Variants in THTPA observed in about 807,000 individuals in gnomAD.
THTPA encodes the protein thiamine triphosphatase.
In THTPA, 16 loss-of-function variants were observed where a neutral mutation model predicts 16.5. The ratio of observed to expected loss-of-function variants is 0.97; its 90% CI spans 0.66 to 1.47. The LOEUF is 1.47. Ranked by LOEUF, THTPA falls within the 40% of genes most tolerant of loss-of-function variation. THTPA has a pLI of 0.00. For synonymous variants in THTPA, 110 were observed against 115.5 expected, an observed-to-expected ratio of 0.95 and a Z score of 0.30; for missense variants, 281 against 280.9, an observed-to-expected ratio of 1.00 and a Z score of 0.00.
At chr14:23,522,177 C>T in the THTPA span, 2 of 1,494,836 alleles carry the variant, frequency 1.3e-6, no homozygotes, top group Non-Finnish European at 1.8e-6. Flanking sequence ...CTCAGCAGCA[C>T]CTCACATGCC....
chr14:23,525,633 G>A, the THTPA span: 13 of 1,535,766 alleles, frequency 8.5e-6, no homozygotes, highest in African/African-American at 2.7e-5. The surrounding 1 kb of genome is among the most constrained non-coding windows in gnomAD (Gnocchi z 5.9). Flanking sequence ...GCTGCAGTGC[G>A]GGCAGCCTCG....
the THTPA span, chr14:23,513,887 T>G: frequency 6.6e-6 from 1 of 152,374 alleles, no homozygotes. Context: ...CTCTTCCAGC[T>G]TGAGGAAGTA....
the THTPA span, chr14:23,524,127 A>G: frequency 1.2e-5 from 18 of 1,535,910 alleles, no homozygotes; most frequent in East Asian, 2.4e-4. The surrounding 1 kb of genome is among the most constrained non-coding windows in gnomAD (Gnocchi z 5.6). Context: ...TTGGGCAAGG[A>G]TGCAGGGGTG....
chr14:23,541,196 G>A, the THTPA span, among the ~76,000 whole-genome samples: 2 of 150,584 alleles, frequency 1.3e-5, no homozygotes, highest in African/African-American at 4.9e-5. Context: ...GTGAGCCACT[G>A]CGCCCGGCCT....
chr14:23,551,017 T>C (rs1326543171), upstream of THTPA, among the ~76,000 whole-genome samples: 1 of 151,498 alleles, frequency 6.6e-6, no homozygotes, highest in African/African-American at 2.4e-5. This position sits in a 1 kb window ranked among gnomAD's most constrained non-coding sequence, Gnocchi z 5.3. Flanking sequence ...CCGTCTAGGC[T>C]TTCCATACCC....
At chr14:23,551,973 G>A (rs559371573), upstream of THTPA, among the ~76,000 whole-genome samples, 12 of 152,250 alleles carry the variant, frequency 7.9e-5, no homozygotes, top group African/African-American at 2.6e-4. The surrounding 1 kb of genome is among the most constrained non-coding windows in gnomAD (Gnocchi z 5.3). Context: ...ACTCTTTTCC[G>A]TCTCCTCTCC....
At chr14:23,514,983 C>G in the THTPA span, among the ~76,000 whole-genome samples, 3 of 151,972 alleles carry the variant, frequency 2.0e-5, no homozygotes, top group Non-Finnish European at 4.4e-5. Context: ...GAGCACCATG[C>G]GAAAGGAAAC....
chr14:23,524,854 C>G, the THTPA span: 3 of 1,536,808 alleles, frequency 2.0e-6, no homozygotes, highest in Non-Finnish European at 2.6e-6. This position sits in a 1 kb window ranked among gnomAD's most constrained non-coding sequence, Gnocchi z 5.6. Flanking sequence ...CTTCAAGGGT[C>G]TGGTCATCAT....
the THTPA span, among the ~76,000 whole-genome samples, chr14:23,550,822 C>G: frequency 6.6e-6 from 1 of 152,166 alleles, no homozygotes; most frequent in African/African-American, 2.4e-5. Flanking sequence ...ATCCACGTCC[C>G]CTCCCACTCC....
At chr14:23,528,390 C>G in the THTPA span, among the ~76,000 whole-genome samples, 1 of 152,212 alleles carries the variant, frequency 6.6e-6, no homozygotes, top group Admixed American at 6.5e-5. Context: ...CCTGGCCTCT[C>G]TGCCTTTTCT....
At chr14:23,526,097 T>C in the THTPA span, 1 of 1,536,518 alleles carries the variant, frequency 6.5e-7, no homozygotes. Context: ...AATCTTGGAA[T>C]CAGTCTTGGT....
At chr14:23,524,537 G>T in the THTPA span, 40 of 1,527,206 alleles carry the variant, frequency 2.6e-5, no homozygotes, top group East Asian at 7.3e-5. This position sits in a 1 kb window ranked among gnomAD's most constrained non-coding sequence, Gnocchi z 5.6. Context: ...TAGGAGTTGG[G>T]GGGGAGCACT....
the THTPA span, chr14:23,527,616 C>T: frequency 6.5e-7 from 1 of 1,536,540 alleles, no homozygotes. Context: ...CAAGCAGCAG[C>T]TTCTCAACGC....
At chr14:23,550,566 A>G in the THTPA span, among the ~76,000 whole-genome samples, 2 of 152,212 alleles carry the variant, frequency 1.3e-5, no homozygotes, top group Non-Finnish European at 2.9e-5. Flanking sequence ...CAGCAAAACC[A>G]AAAGTCAGGG....
At chr14:23,530,382 GT>G in the THTPA span, 1 of 699,796 alleles carries the variant, frequency 1.4e-6, no homozygotes, top group Non-Finnish European at 2.6e-6. Context: ...GAAAATTACA[GT>G]ATTAGAACTG....
the THTPA span, among the ~76,000 whole-genome samples, chr14:23,517,490 A>T: frequency 6.6e-6 from 1 of 152,188 alleles, no homozygotes; most frequent in Non-Finnish European, 1.5e-5. Context: ...TCTCCTAGAA[A>T]TGACGCTTTC....
the THTPA span, chr14:23,527,494 G>GC: frequency 7.3e-7 from 1 of 1,370,916 alleles, no homozygotes; most frequent in Non-Finnish European, 9.9e-7. Context: ...TTGCCTGAAT[G>GC]CCCCCTGCCC....
At chr14:23,543,366 T>C in the THTPA span, 1 of 152,364 alleles carries the variant, frequency 6.6e-6, no homozygotes, top group Admixed American at 6.5e-5. Flanking sequence ...TCAGGTAGCC[T>C]GATGTCAGTA....
the THTPA span, chr14:23,522,724 G>A: frequency 6.5e-7 from 1 of 1,536,596 alleles, no homozygotes; most frequent in African/African-American, 1.4e-5. Context: ...AGGAGCTGGT[G>A]GGGCCTGCAA....
Sources: gnomAD v4.1 joint callset for allele counts (sites outside exome capture counted in the v4.1 genomes callset) on GRCh38, gnomAD v4.1.1 for gene constraint, Gnocchi (gnomAD v3.1) non-coding constraint, MANE v1.5 for transcripts, NCBI Gene and HGNC (gene_info 2026-07-23, HGNC 2026-07-21) for gene names.